The following RLBP1 variants were observed in gnomAD, a reference collection of about 807,000 sequenced individuals.
RLBP1 encodes retinaldehyde-binding protein 1.
In RLBP1, 26 loss-of-function variants were observed where a neutral mutation model predicts 36.2. The ratio of observed to expected loss-of-function variants is 0.72; its 90% CI spans 0.53 to 1.00. RLBP1 has a LOEUF of 1.00. RLBP1 is among the 50% of genes least tolerant of loss of function. RLBP1 has a pLI of 0.00. For missense variants in RLBP1, 410 were observed against 402.4 expected (o/e 1.02, Z -0.16); for synonymous variants, 155 against 156.2 (o/e 0.99, Z 0.06).
At chr15:89,216,807 G>T (rs1270750767) in intron 5 of RLBP1, among the ~76,000 whole-genome samples, 1 of 152,216 alleles carries the variant, frequency 6.6e-6, no homozygotes, top group Non-Finnish European at 1.5e-5. Context: ...GGTTCTCATG[G>T]TGGGGGTCTG....
chr15:89,211,732 C>T lies in RLBP1; in HGVS notation c.684+11G>A, dbSNP rs1235756820. On this transcript the variant is annotated intron_variant, in intron 7 of 8. Transcript: ENST00000268125. This position sits in a 1 kb window ranked among gnomAD's most constrained non-coding sequence, Gnocchi z 5.8. ...TGGGAGGCTGCCGTGCGACAGAACT[C>T]TAAGCCTCACCTGGAGCATGTCCAC... 2.5e-6 allele frequency: 4 copies of T among 1,613,162 alleles called. No individual in the cohort carries two copies. The Admixed American group carries it at 5.0e-5, about 20-fold the overall frequency.
At position 89,211,634 on chromosome 15, in the gene RLBP1, G is replaced by A. The variant is rs1280114852; in HGVS notation, c.684+109C>T. On this transcript the variant is annotated intron_variant, in intron 7 of 8. Transcript: ENST00000268125. This position sits in a 1 kb window ranked among gnomAD's most constrained non-coding sequence, Gnocchi z 5.8. ...TGTGGCTGTCACTGCTCTTTATGGC[G>A]CGAGGTGGTCCAACTTCTCAGTTCC... 20 of 1,138,874 alleles carry A rather than the reference G, an allele frequency of 1.8e-5. No homozygotes were observed. The highest frequency in any genetic ancestry group is 1.4e-4 in the African/African-American group (9 of 65,682). 70.5% of individuals were successfully genotyped at this position (1,138,874 alleles called of 1,614,324 possible). A position where few individuals can be genotyped will look rare whatever the true frequency, so the allele number is the denominator to read the frequency against.
intron 5 of RLBP1, 73 bp downstream of exon 5, chr15:89,217,047 C>T: frequency 1.0e-5 from 15 of 1,505,070 alleles, no homozygotes; most frequent in Non-Finnish European, 1.3e-5. Flanking sequence ...CTGTTCAGTG[C>T]CAGGATGAGA....
Position 89,211,995 on chromosome 15 carries a change from C to T in RLBP1, c.526-94G>A. The T allele has an allele frequency of 1.5e-6, 2 of 1,312,632 alleles. No individual in the cohort carries two copies. Among genetic ancestry groups the T allele is most frequent in the African/African-American group, 1.4e-5 (1 of 69,044 alleles). The allele number at this position is 1,312,632 out of a possible 1,614,324, so 81.3% of individuals were successfully genotyped here. On this transcript the variant is annotated intron_variant, in intron 6 of 8. Transcript: ENST00000268125. The surrounding 1 kb of genome is among the most constrained non-coding windows in gnomAD (Gnocchi z 5.8). Reference sequence around the variant, plus strand: ...GGAGAGCTAATTGGTACATTCTTCACTGGGGTAATTTGCTGCAGGCTTTGA... The same window carrying T: ...GGAGAGCTAATTGGTACATTCTTCATTGGGGTAATTTGCTGCAGGCTTTGA...
intron 5 of RLBP1, among the ~76,000 whole-genome samples, chr15:89,215,801 C>T (rs1027075834): frequency 2.0e-5 from 3 of 152,206 alleles, no homozygotes; most frequent in Non-Finnish European, 4.4e-5. Context: ...CTGGGCACCT[C>T]TGCCAAGAGA....
At position 89,219,026 on chromosome 15, in the gene RLBP1, T is replaced by C; in HGVS notation, c.-51A>G. 2 of 1,613,520 alleles carry C rather than the reference T, an allele frequency of 1.2e-6. No homozygotes were observed. Among genetic ancestry groups the C allele is most frequent in the Non-Finnish European group, 1.7e-6 (2 of 1,179,734 alleles). ...TTGGAAAAAGAAGGGATCTGCTTTC[T>C]CTGTCCTGGCCTCTCCAGCCGGCCC... On this transcript the variant is annotated 5_prime_UTR_variant, in exon 3 of 9. Transcript: ENST00000268125.
At position 89,210,571 on chromosome 15, in the gene RLBP1, G is replaced by A. The variant is rs191042242; in HGVS notation, c.795+128C>T. The A allele has an allele frequency of 4.5e-5, 57 of 1,260,910 alleles. No individual in the cohort carries two copies. The highest frequency in any genetic ancestry group is 2.8e-4 in the South Asian group (22 of 79,352). The allele number at this position is 1,260,910 out of a possible 1,614,324, so 78.1% of individuals were successfully genotyped here. ...TCTTTGCCTGGCGACACCTCTCTCC[G>A]CAGGTCTCCATGTTGGGTGTCAGTG... On this transcript the variant is annotated intron_variant, in intron 8 of 8. Transcript: ENST00000268125. This position sits in a 1 kb window ranked among gnomAD's most constrained non-coding sequence, Gnocchi z 4.7.
chr15:89,215,909 C>T (rs1447677834), intron 5 of RLBP1, among the ~76,000 whole-genome samples: 1 of 152,196 alleles, frequency 6.6e-6, no homozygotes, highest in African/African-American at 2.4e-5. Flanking sequence ...CTGCTCTTCC[C>T]CACAGATATC....
rs1181563343 is a variant in RLBP1 at position 89,218,330 on chromosome 15, T to A, written c.141+235A>T. Among the ~76,000 whole-genome samples the A allele has an allele frequency of 6.6e-6, 1 of 152,186 alleles. No homozygotes were observed. Among genetic ancestry groups the A allele is most frequent in the African/African-American group, 2.4e-5 (1 of 41,450 alleles). ...TTGAGTCTAGTTTAGAGGGCCCTAG[T>A]TCCGAGGCTCTGGGCTGTAGTCTTG... On this transcript the variant is annotated intron_variant, in intron 4 of 8. Transcript: ENST00000268125. The surrounding 1 kb of genome is among the most constrained non-coding windows in gnomAD (Gnocchi z 4.6).
rs1050254386 is a variant in RLBP1 at position 89,214,407 on chromosome 15, G to A, written c.525+653C>T. ...ACCCAGGAGGCGGAGGTTGCAGTGA[G>A]CTAAGATCATGCCACTGCACTCCAG... On this transcript the variant is annotated intron_variant, in intron 6 of 8. Coordinates refer to ENST00000268125, the MANE Select transcript of RLBP1 (RefSeq NM_000326.5). The surrounding 1 kb of genome is among the most constrained non-coding windows in gnomAD (Gnocchi z 4.6). Among the ~76,000 whole-genome samples, 1 of 152,236 alleles carries A rather than the reference G, an allele frequency of 6.6e-6. No individual in the cohort carries two copies. Among genetic ancestry groups the A allele is most frequent in the African/African-American group, 2.4e-5 (1 of 41,458 alleles).
rs1393804387 is a variant in RLBP1 at position 89,217,212 on chromosome 15, G to T, written c.254C>A (p.Ala85Glu). 2 of 1,613,188 alleles carry T rather than the reference G, an allele frequency of 1.2e-6. No individual in the cohort carries two copies. The highest frequency in any genetic ancestry group is 2.2e-5 in the South Asian group (2 of 91,088). ...GCTGTCCTTCTCTTGCACCCTCTCC[G>T]CCACGGCCACCGCCAGCTCCTCCCC... Reference protein sequence around the residue: ...ASGEELAVAVAERVQEKDSGF... With the variant: ...ASGEELAVAVEERVQEKDSGF... The change falls in exon 5 of 9, where the codon GCG becomes GAG. Residue 85 changes from alanine (A) to glutamate (E), a missense_variant. Ala to Glu is a moderately radical substitution (Grantham distance 107, BLOSUM62 -1). Transcript: ENST00000268125.
In RLBP1 at chr15:89,210,542, G is replaced by A. The variant is rs1332985147; in HGVS notation, c.796-99C>T. The A allele has an allele frequency of 1.4e-6, 2 of 1,424,090 alleles. No individual in the cohort carries two copies. Among genetic ancestry groups the A allele is most frequent in the Middle Eastern group, 1.8e-4 (1 of 5,636 alleles). The allele number at this position is 1,424,090 out of a possible 1,614,324, so 88.2% of individuals were successfully genotyped here. On this transcript the variant is annotated intron_variant, in intron 8 of 8. Coordinates refer to ENST00000268125, the MANE Select transcript of RLBP1 (RefSeq NM_000326.5). The surrounding 1 kb of genome is among the most constrained non-coding windows in gnomAD (Gnocchi z 4.7). Reference sequence around the variant, plus strand: ...GCAGGAGGACAAAGCCCCATCATGTGCAGTCTTTGCCTGGCGACACCTCTC... The same window carrying A: ...GCAGGAGGACAAAGCCCCATCATGTACAGTCTTTGCCTGGCGACACCTCTC...
intron 4 of RLBP1, 90 bp from the exon 5 acceptor site, chr15:89,217,414 C>T: frequency 7.3e-7 from 1 of 1,370,278 alleles, no homozygotes; most frequent in Non-Finnish European, 1.0e-6. Context: ...CAGAGCTAGA[C>T]CAGCCAAGGG....
chr15:89,210,833 G>A lies in RLBP1; in HGVS notation c.685-24C>T, dbSNP rs759514093. On this transcript the variant is annotated intron_variant, in intron 7 of 8. Coordinates refer to ENST00000268125, the MANE Select transcript of RLBP1 (RefSeq NM_000326.5). The surrounding 1 kb of genome is among the most constrained non-coding windows in gnomAD (Gnocchi z 4.7). Reference sequence around the variant, plus strand: ...TCCTGCGGTGACAGAGAGATACCCCGTTCCCCATGGCCCCAGTGACCTCAG... The same window carrying A: ...TCCTGCGGTGACAGAGAGATACCCCATTCCCCATGGCCCCAGTGACCTCAG... 29 of 1,494,850 alleles carry A rather than the reference G, an allele frequency of 1.9e-5. No homozygotes were observed. Among genetic ancestry groups the A allele is most frequent in the East Asian group, 4.9e-5 (2 of 41,126 alleles). The allele number at this position is 1,494,850 out of a possible 1,614,324, so 92.6% of individuals were successfully genotyped here. A position where few individuals can be genotyped will look rare whatever the true frequency, so the allele number is the denominator to read the frequency against.
At chr15:89,215,373 C>A (rs1215232334) in intron 5 of RLBP1, 135 bp from the exon 6 acceptor site, 1 of 740,280 alleles carries the variant, frequency 1.4e-6, no homozygotes, top group Non-Finnish European at 2.2e-6. Context: ...CCTATCCGAG[C>A]CCCATGTTTC....
chr15:89,210,870 C>T lies in RLBP1; in HGVS notation c.685-61G>A. 1.8e-6 allele frequency: 2 copies of T among 1,131,272 alleles called. No individual in the cohort carries two copies. The highest frequency in any genetic ancestry group is 2.0e-5 in the Admixed American group (1 of 49,774). 70.1% of individuals were successfully genotyped at this position (1,131,272 alleles called of 1,614,324 possible). ...CCCAGTGACCTCAGAGGCTCCCACT[C>T]ATTCCCTGCTGCCTCTCCTCATGGC... On this transcript the variant is annotated intron_variant, in intron 7 of 8. Coordinates refer to ENST00000268125, the MANE Select transcript of RLBP1 (RefSeq NM_000326.5). This position sits in a 1 kb window ranked among gnomAD's most constrained non-coding sequence, Gnocchi z 4.7.
intron 2 of RLBP1, among the ~76,000 whole-genome samples, 193 bp from the exon 3 acceptor site, chr15:89,219,268 G>C (rs928747344): frequency 4.6e-5 from 7 of 152,214 alleles, no homozygotes; most frequent in Non-Finnish European, 1.0e-4. Context: ...GTGGCTCTGA[G>C]GGAGATGGTT....
At chr15:89,216,059 T>A (rs896601596) in intron 5 of RLBP1, among the ~76,000 whole-genome samples, 5 of 152,228 alleles carry the variant, frequency 3.3e-5, no homozygotes, top group Non-Finnish European at 4.4e-5. Context: ...TTTAACCCTA[T>A]ATAATTTTAC....
chr15:89,217,096 C>T (rs1368366378), intron 5 of RLBP1, 24 bp downstream of exon 5: 20 of 1,611,470 alleles, frequency 1.2e-5, no homozygotes, highest in East Asian at 2.2e-5. Context: ...TTCCCAGGGC[C>T]GTCCCTCCAA....
Sources: gnomAD v4.1 joint callset for allele counts (sites outside exome capture counted in the v4.1 genomes callset) on GRCh38, gnomAD v4.1.1 for gene constraint, Gnocchi (gnomAD v3.1) non-coding constraint, MANE v1.5 for transcripts, NCBI Gene and HGNC (gene_info 2026-07-23, HGNC 2026-07-21) for gene names.